The following SPATA17 variants were observed in gnomAD, a reference collection of about 807,000 sequenced individuals.
SPATA17 encodes the protein spermatogenesis associated 17, also known as spermatogenesis-associated protein 17.
Under a neutral mutation model 62.2 loss-of-function variants are expected in SPATA17, and 53 were observed. The observed-to-expected ratio is 0.85, with a 90% CI of 0.68 to 1.07. SPATA17 has a LOEUF of 1.07. Among genes scored for constraint, SPATA17 ranks in the 50% least tolerant of loss-of-function variants. The pLI is 0.00. For missense variants in SPATA17, 466 were observed against 425.5 expected, an observed-to-expected ratio of 1.10 and a Z score of -0.84; for synonymous variants, 146 against 146.8, an observed-to-expected ratio of 0.99 and a Z score of 0.04.
chr1:217,730,275 T>C (rs150884311), intron 5 of SPATA17, among the ~76,000 whole-genome samples: 2,196 of 151,360 alleles, frequency 0.015, 32 homozygotes, highest in Non-Finnish European at 0.021. Flanking sequence ...TACAGTGCAA[T>C]GGCGTGATCT....
intron 4 of SPATA17, among the ~76,000 whole-genome samples, chr1:217,669,728 AT>A (rs1337796145): frequency 7.2e-5 from 11 of 152,296 alleles, no homozygotes; most frequent in African/African-American, 2.6e-4. Flanking sequence ...TGTCCTTAAA[AT>A]CTATGTTGCC....
At chr1:217,836,154 T>C (rs6669690) in intron 9 of SPATA17, among the ~76,000 whole-genome samples, 80,984 of 151,972 alleles carry the variant, frequency 0.53, 22,208 homozygotes, top group Non-Finnish European at 0.59. Context: ...TTTACTGTAA[T>C]GCTGTGGTCT....
chr1:217,841,202 A>G (rs1308728717), intron 9 of SPATA17, among the ~76,000 whole-genome samples: 1 of 152,034 alleles, frequency 6.6e-6, no homozygotes, highest in Admixed American at 6.6e-5. Context: ...TGAAATTTCT[A>G]GTTACTTACA....
At chr1:217,666,181 G>C (rs567139992) in intron 3 of SPATA17, among the ~76,000 whole-genome samples, 1 of 152,188 alleles carries the variant, frequency 6.6e-6, no homozygotes, top group East Asian at 1.9e-4. Context: ...TAAAGGAATA[G>C]GTAATTAATA....
intron 9 of SPATA17, among the ~76,000 whole-genome samples, chr1:217,813,213 G>A (rs935985471): frequency 6.6e-6 from 1 of 152,130 alleles, no homozygotes. Flanking sequence ...CAGAAACTTG[G>A]GTGGGACTGT....
At chr1:217,863,425 C>T (rs999050955) in intron 10 of SPATA17, among the ~76,000 whole-genome samples, 1 of 152,046 alleles carries the variant, frequency 6.6e-6, no homozygotes, top group African/African-American at 2.4e-5. Context: ...CCACCATGCG[C>T]GGCCCTTAGA....
intron 5 of SPATA17, among the ~76,000 whole-genome samples, chr1:217,736,323 G>T (rs1298563525): frequency 3.3e-5 from 5 of 152,072 alleles, no homozygotes; most frequent in Non-Finnish European, 7.4e-5. Flanking sequence ...CAAAATGTTT[G>T]CTTATTCATT....
At chr1:217,712,613 T>G (rs921604005) in intron 5 of SPATA17, among the ~76,000 whole-genome samples, 3 of 152,162 alleles carry the variant, frequency 2.0e-5, no homozygotes, top group Non-Finnish European at 2.9e-5. Flanking sequence ...AGAGACTTCC[T>G]TCCTACCCTC....
chr1:217,731,922 CA>C (rs888825848), intron 5 of SPATA17, among the ~76,000 whole-genome samples: 5 of 152,012 alleles, frequency 3.3e-5, no homozygotes, highest in African/African-American at 9.7e-5. Flanking sequence ...TAACCTACTA[CA>C]AAAAAAGCAA....
intron 6 of SPATA17, among the ~76,000 whole-genome samples, chr1:217,752,941 G>A (rs1435227541): frequency 6.6e-6 from 1 of 152,134 alleles, no homozygotes; most frequent in Non-Finnish European, 1.5e-5. Flanking sequence ...AGTATATGTG[G>A]AAGTGACAGA....
chr1:217,711,353 C>T (rs897457858), intron 5 of SPATA17, among the ~76,000 whole-genome samples: 1 of 152,108 alleles, frequency 6.6e-6, no homozygotes, highest in Non-Finnish European at 1.5e-5. Flanking sequence ...CCTGTGTTCA[C>T]GTACAAGTTT....
intron 6 of SPATA17, among the ~76,000 whole-genome samples, chr1:217,770,926 G>T (rs1351388524): frequency 7.0e-6 from 1 of 143,492 alleles, no homozygotes; most frequent in Non-Finnish European, 1.5e-5. Context: ...ATGATGGAGA[G>T]TCTGAAGGGG....
At chr1:217,708,026 T>A (rs1188733891) in intron 5 of SPATA17, among the ~76,000 whole-genome samples, 1 of 152,108 alleles carries the variant, frequency 6.6e-6, no homozygotes, top group Non-Finnish European at 1.5e-5. Flanking sequence ...AGATACAACA[T>A]ACCAAAATCG....
intron 5 of SPATA17, among the ~76,000 whole-genome samples, chr1:217,714,488 C>CTTTTTTTTTTTTTTTTTTTTTTTTT (rs750665329): frequency 3.3e-5 from 4 of 121,428 alleles, no homozygotes; most frequent in Admixed American, 8.1e-5. Flanking sequence ...AAACGTGTTT[C>CTTTTTTTTTTTTTTTTTTTTTTTTT]TTTTTTTTTT....
At chr1:217,810,902 C>T (rs1446734238) in intron 9 of SPATA17, among the ~76,000 whole-genome samples, 6 of 152,070 alleles carry the variant, frequency 3.9e-5, no homozygotes, top group African/African-American at 7.2e-5. Flanking sequence ...CCCCTATAAT[C>T]CAATCACCTC....
chr1:217,755,268 T>C (rs567885420), intron 6 of SPATA17, among the ~76,000 whole-genome samples: 25 of 152,154 alleles, frequency 1.6e-4, no homozygotes, highest in South Asian at 6.2e-4. Flanking sequence ...TTGCTGTCTC[T>C]ATCTACTGTA....
At chr1:217,814,367 G>C (rs897051105) in intron 9 of SPATA17, among the ~76,000 whole-genome samples, 12 of 152,158 alleles carry the variant, frequency 7.9e-5, no homozygotes, top group Non-Finnish European at 1.0e-4. Flanking sequence ...ATTTCCGTCG[G>C]AGGTCTGTAA....
intron 4 of SPATA17, among the ~76,000 whole-genome samples, chr1:217,678,792 G>T (rs1301203259): frequency 6.6e-6 from 1 of 152,178 alleles, no homozygotes; most frequent in African/African-American, 2.4e-5. Flanking sequence ...GCTGTAATCT[G>T]CTGAGCACAC....
chr1:217,831,502 C>G (rs1675140916), intron 9 of SPATA17, among the ~76,000 whole-genome samples: 1 of 152,064 alleles, frequency 6.6e-6, no homozygotes, highest in Non-Finnish European at 1.5e-5. Flanking sequence ...CTTAGGAATG[C>G]CTCTCCTAAC....
Sources: allele counts gnomAD v4.1 joint callset (sites outside exome capture counted in the v4.1 genomes callset), GRCh38; gene constraint gnomAD v4.1.1; transcripts MANE v1.5; gene names NCBI Gene and HGNC (gene_info 2026-07-23, HGNC 2026-07-21).